Variants in ROBO2 observed in about 807,000 individuals in gnomAD.
The protein encoded by ROBO2 is roundabout guidance receptor 2.
A neutral mutation model predicts 160.8 loss-of-function variants in ROBO2; 53 were observed. The observed-to-expected ratio is 0.33, with a 90% CI of 0.26 to 0.41. ROBO2 has a LOEUF of 0.41. ROBO2 is among the 10% of genes least tolerant of loss of function. ROBO2 has a pLI of 1.00. For synonymous variants in ROBO2, 664 were observed against 611.7 expected (o/e 1.09, Z -1.26); for missense variants, 1,577 against 1,722.4 (o/e 0.92, Z 1.49).
chr3:76,455,974 TATG>T (rs1376470833), intron 2 of ROBO2, among the ~76,000 whole-genome samples: 1 of 152,204 alleles, frequency 6.6e-6, no homozygotes, highest in African/African-American at 2.4e-5. Context: ...AGCTTGACTC[TATG>T]AATACACAAA....
chr3:76,872,782 T>C (rs1371021024), intron 2 of ROBO2, among the ~76,000 whole-genome samples: 1 of 151,966 alleles, frequency 6.6e-6, no homozygotes, highest in African/African-American at 2.4e-5. Flanking sequence ...AATATATTTA[T>C]TATTAAGACT....
At chr3:76,367,794 C>T (rs1348922579) in intron 2 of ROBO2, among the ~76,000 whole-genome samples, 2 of 151,852 alleles carry the variant, frequency 1.3e-5, no homozygotes, top group African/African-American at 4.8e-5. Context: ...GAAGATGTAA[C>T]CAGGTTTCGT....
intron 2 of ROBO2, among the ~76,000 whole-genome samples, chr3:76,819,253 T>C (rs1425588390): frequency 6.6e-6 from 1 of 152,016 alleles, no homozygotes; most frequent in Non-Finnish European, 1.5e-5. Flanking sequence ...GATATTTAAC[T>C]TGAGATCTGA....
intron 2 of ROBO2, among the ~76,000 whole-genome samples, chr3:76,451,748 A>G (rs17014204): frequency 1.3e-5 from 2 of 152,164 alleles, no homozygotes; most frequent in Non-Finnish European, 2.9e-5. Flanking sequence ...AACTCAAAAT[A>G]CTAATGTCGG....
chr3:76,283,757 T>C (rs941336659), intron 2 of ROBO2, among the ~76,000 whole-genome samples: 1 of 152,002 alleles, frequency 6.6e-6, no homozygotes, highest in African/African-American at 2.4e-5. Context: ...AAACAGTTTT[T>C]TACAAGGCCA....
At chr3:76,815,788 C>G (rs2065615161) in intron 2 of ROBO2, among the ~76,000 whole-genome samples, 1 of 152,034 alleles carries the variant, frequency 6.6e-6, no homozygotes, top group South Asian at 2.1e-4. Context: ...CTATAATGAT[C>G]TGTTTAGGCT....
intron 2 of ROBO2, among the ~76,000 whole-genome samples, chr3:75,971,260 A>G (rs1384318482): frequency 6.6e-6 from 1 of 151,506 alleles, no homozygotes; most frequent in Non-Finnish European, 1.5e-5. Context: ...AATAAAAATC[A>G]TCATGTTATA....
chr3:76,413,783 A>C (rs1021189154), intron 2 of ROBO2, among the ~76,000 whole-genome samples: 30 of 151,858 alleles, frequency 2.0e-4, no homozygotes, highest in African/African-American at 7.0e-4. Context: ...AGCCCTCCAA[A>C]CTGTTCATTC....
At chr3:77,228,674 A>T (rs1312055662) in intron 2 of ROBO2, among the ~76,000 whole-genome samples, 1 of 152,140 alleles carries the variant, frequency 6.6e-6, no homozygotes, top group Non-Finnish European at 1.5e-5. Context: ...CCAACATGGC[A>T]CATGTATACC....
intron 13 of ROBO2, among the ~76,000 whole-genome samples, chr3:77,570,409 C>T (rs1354187803): frequency 2.0e-5 from 3 of 151,992 alleles, no homozygotes; most frequent in Non-Finnish European, 4.4e-5. Context: ...CCGTCATGGG[C>T]TGTAACTTCT....
At chr3:76,788,246 A>C (rs147188815) in intron 2 of ROBO2, among the ~76,000 whole-genome samples, 106 of 151,576 alleles carry the variant, frequency 7.0e-4, no homozygotes, top group African/African-American at 2.6e-3. Flanking sequence ...AAGAGGAAAC[A>C]ATATTTTTTA....
intron 2 of ROBO2, among the ~76,000 whole-genome samples, chr3:76,574,793 T>C (rs2085183349): frequency 6.6e-6 from 1 of 152,126 alleles, no homozygotes; most frequent in Non-Finnish European, 1.5e-5. Flanking sequence ...TCTGATTTAA[T>C]ATCTCTAGAC....
At chr3:77,284,460 C>G (rs896824505) in intron 2 of ROBO2, among the ~76,000 whole-genome samples, 1 of 152,120 alleles carries the variant, frequency 6.6e-6, no homozygotes, top group Non-Finnish European at 1.5e-5. Context: ...GAAAAGGCCT[C>G]GTTCACAATA....
chr3:76,920,746 A>C (rs867054059), intron 2 of ROBO2, among the ~76,000 whole-genome samples: 3 of 152,394 alleles, frequency 2.0e-5, no homozygotes, highest in South Asian at 4.1e-4. Flanking sequence ...GTGTCAATTA[A>C]TTGAACTGCT....
intron 2 of ROBO2, among the ~76,000 whole-genome samples, chr3:77,231,320 G>A (rs141503381): frequency 1.5e-5 from 2 of 129,070 alleles, no homozygotes; most frequent in Non-Finnish European, 3.1e-5. Context: ...CCAAGATCAC[G>A]CCACTGTACT....
chr3:75,931,820 G>T (rs1947556257), intron 1 of ROBO2, among the ~76,000 whole-genome samples: 2 of 151,656 alleles, frequency 1.3e-5, no homozygotes, highest in South Asian at 4.2e-4. Context: ...TTCTTAGTTG[G>T]GTTTCTGTAC....
chr3:76,066,712 G>A (rs1008798083), intron 2 of ROBO2, among the ~76,000 whole-genome samples: 5 of 151,930 alleles, frequency 3.3e-5, no homozygotes, highest in Non-Finnish European at 5.9e-5. Flanking sequence ...AATGAAATTA[G>A]AAATTAGGTT....
chr3:76,249,919 C>T (rs1319632829), intron 2 of ROBO2, among the ~76,000 whole-genome samples: 3 of 152,048 alleles, frequency 2.0e-5, no homozygotes, highest in Non-Finnish European at 2.9e-5. Flanking sequence ...TAATGTCAAA[C>T]AGGTATTTCC....
chr3:76,751,417 C>T (rs1408559226), intron 2 of ROBO2, among the ~76,000 whole-genome samples: 2 of 151,884 alleles, frequency 1.3e-5, no homozygotes, highest in African/African-American at 4.8e-5. Context: ...TCTAAAACAC[C>T]AAAAGTAACA....
Sources: allele counts gnomAD v4.1 joint callset (sites outside exome capture counted in the v4.1 genomes callset), GRCh38; gene constraint gnomAD v4.1.1; transcripts MANE v1.5; gene names NCBI Gene and HGNC (gene_info 2026-07-23, HGNC 2026-07-21).